PTPN14: variants seen among roughly 807,000 people sequenced by gnomAD.
PTPN14 encodes the protein tyrosine-protein phosphatase non-receptor type 14.
Under a neutral mutation model 126.8 loss-of-function variants are expected in PTPN14, and 53 were observed. The observed-to-expected ratio is 0.42, with a 90% CI of 0.34 to 0.53. The LOEUF (loss-of-function observed/expected upper bound fraction) is 0.53, where lower values mean the gene tolerates loss of function less well. PTPN14 is among the 20% of genes least tolerant of loss of function. PTPN14 has a pLI of 0.08. For missense variants in PTPN14, 1,257 were observed against 1,552.9 expected (o/e 0.81, Z 3.20); for synonymous variants, 630 against 599.3 (o/e 1.05, Z -0.75).
chr1:214,394,779 A>G, intron 9 of PTPN14, 120 bp downstream of exon 9: 1 of 877,136 alleles, frequency 1.1e-6, no homozygotes, highest in Non-Finnish European at 1.9e-6. Context: ...ATTAGAAAGC[A>G]TCTCTTCAAG....
At chr1:214,361,720 G>A (rs140921028) in intron 18 of PTPN14, among the ~76,000 whole-genome samples, 1 of 152,348 alleles carries the variant, frequency 6.6e-6, no homozygotes, top group Non-Finnish European at 1.5e-5. Flanking sequence ...AAGGGACTGA[G>A]TGTCCTGCAG....
intron 1 of PTPN14, among the ~76,000 whole-genome samples, chr1:214,546,534 A>G (rs1351677819): frequency 6.6e-6 from 1 of 152,208 alleles, no homozygotes; most frequent in East Asian, 1.9e-4. Context: ...AGTGGCCCAC[A>G]TGGTATGGCT....
intron 3 of PTPN14, among the ~76,000 whole-genome samples, chr1:214,417,793 C>G (rs1221831162): frequency 6.6e-6 from 1 of 152,132 alleles, no homozygotes; most frequent in Non-Finnish European, 1.5e-5. Context: ...AGGCCGGGTA[C>G]GTGTTGCTTT....
chr1:214,550,170 T>C (rs2102493582), intron 1 of PTPN14, among the ~76,000 whole-genome samples: 1 of 144,256 alleles, frequency 6.9e-6, no homozygotes, highest in South Asian at 2.3e-4. Context: ...TGCAGACTCC[T>C]GCCCTGTGAT....
chr1:214,422,349 A>T (rs1178828068), intron 3 of PTPN14, among the ~76,000 whole-genome samples: 1 of 152,236 alleles, frequency 6.6e-6, no homozygotes, highest in Non-Finnish European at 1.5e-5. Flanking sequence ...GCATTAAACC[A>T]GGTGGGCAAA....
intron 5 of PTPN14, among the ~76,000 whole-genome samples, chr1:214,411,174 T>A (rs12128621): frequency 0.41 from 62,004 of 151,652 alleles, 13,391 homozygotes; most frequent in East Asian, 0.5. Context: ...TTAAATTTAC[T>A]CCTAGGTATT....
chr1:214,404,636 G>T (rs749208330), intron 5 of PTPN14, among the ~76,000 whole-genome samples: 1 of 151,994 alleles, frequency 6.6e-6, no homozygotes, highest in Non-Finnish European at 1.5e-5. Context: ...CAACTTAACC[G>T]CCTCCATCTG....
chr1:214,513,012 A>T (rs1283682508), intron 1 of PTPN14, among the ~76,000 whole-genome samples: 1 of 152,176 alleles, frequency 6.6e-6, no homozygotes, highest in Non-Finnish European at 1.5e-5. Context: ...TTTTTAAATC[A>T]ATTTTAAAAT....
intron 7 of PTPN14, among the ~76,000 whole-genome samples, chr1:214,400,538 G>A (rs753815708): frequency 1.1e-4 from 16 of 152,048 alleles, no homozygotes; most frequent in East Asian, 3.9e-4. Context: ...CCTGTTTCTC[G>A]CAGTCCACAT....
In PTPN14 at chr1:214,385,591, TAC is replaced by T. The variant is rs1047191635; in HGVS notation, c.1067-805_1067-804del. Among the ~76,000 whole-genome samples the T allele has an allele frequency of 2.6e-5, 4 of 151,560 alleles. 1 individual carries two copies. The highest frequency in any genetic ancestry group is 1.3e-4 in the Admixed American group (2 of 15,214). ...TACAATCAGGTGTCTGGTGTTCTCTTACACACACACACACCCCAAGGAAGGCA... is the reference window on the plus strand; with the variant it reads ...TACAATCAGGTGTCTGGTGTTCTCTTACACACACACACCCCAAGGAAGGCA... On this transcript the variant is annotated intron_variant, in intron 12 of 18. Transcript: ENST00000366956.
At position 214,456,068 on chromosome 1, in the gene PTPN14, G is replaced by T. The variant is rs76534857; in HGVS notation, c.175-4094C>A. On this transcript the variant is annotated intron_variant, in intron 2 of 18. Transcript: ENST00000366956. ...ATCCCCCACCTTAGCTATTAAAAGG[G>T]AAATATTTTTTGAGGGTTTTGTTTT... Among the ~76,000 whole-genome samples, 10 of 152,016 alleles carry T rather than the reference G, an allele frequency of 6.6e-5. No homozygotes were observed. In the East Asian group the frequency reaches 1.9e-3, roughly 29 times the overall value.
intron 8 of PTPN14, among the ~76,000 whole-genome samples, chr1:214,396,599 C>T (rs1294776194): frequency 6.6e-6 from 1 of 152,192 alleles, no homozygotes; most frequent in Admixed American, 6.5e-5. Flanking sequence ...CATGACACTA[C>T]AGTAGATGTG....
intron 1 of PTPN14, among the ~76,000 whole-genome samples, chr1:214,478,253 C>T (rs1660907642): frequency 1.3e-5 from 2 of 152,166 alleles, no homozygotes; most frequent in African/African-American, 2.4e-5. Flanking sequence ...AGTTCAAGTA[C>T]ATTTTGGCAT....
chr1:214,468,960 C>A (rs1660697895), intron 1 of PTPN14, among the ~76,000 whole-genome samples: 1 of 152,132 alleles, frequency 6.6e-6, no homozygotes, highest in Admixed American at 6.5e-5. Context: ...TTCCTCAGAG[C>A]TAGAAACACA....
chr1:214,537,266 G>A (rs1190702951), intron 1 of PTPN14, among the ~76,000 whole-genome samples: 2 of 152,160 alleles, frequency 1.3e-5, no homozygotes, highest in African/African-American at 4.8e-5. Flanking sequence ...ACCCCCGGTA[G>A]ATACTAATGA....
chr1:214,549,382 A>G (rs1040393870), intron 1 of PTPN14, among the ~76,000 whole-genome samples: 3 of 152,222 alleles, frequency 2.0e-5, no homozygotes, highest in Non-Finnish European at 4.4e-5. Context: ...GAAAAGAACG[A>G]CTTTAGCACA....
chr1:214,435,677 G>A (rs767263972), intron 3 of PTPN14, among the ~76,000 whole-genome samples: 1 of 152,100 alleles, frequency 6.6e-6, no homozygotes, highest in Non-Finnish European at 1.5e-5. Context: ...TTACAGAAAT[G>A]CAAATCAAAA....
intron 1 of PTPN14, among the ~76,000 whole-genome samples, chr1:214,467,760 G>A (rs1660673409): frequency 6.6e-6 from 1 of 152,164 alleles, no homozygotes. Flanking sequence ...CAGGAGCGAT[G>A]GCTTTATATT....
At chr1:214,427,121 A>T (rs906927617) in intron 3 of PTPN14, among the ~76,000 whole-genome samples, 35 of 151,926 alleles carry the variant, frequency 2.3e-4, no homozygotes, top group African/African-American at 8.5e-4. Flanking sequence ...TCTACTAAAA[A>T]TACAAAAATT....
Sources: gnomAD v4.1 joint callset for allele counts (sites outside exome capture counted in the v4.1 genomes callset) on GRCh38, gnomAD v4.1.1 for gene constraint, MANE v1.5 for transcripts, NCBI Gene and HGNC (gene_info 2026-07-23, HGNC 2026-07-21) for gene names.